CDC42SE2: variants seen among roughly 807,000 people sequenced by gnomAD.
The protein encoded by CDC42SE2 is CDC42 small effector 2.
CDC42SE2 carries 3 observed loss-of-function variants against 11.5 expected under a neutral mutation model. The observed-to-expected ratio is 0.26, with a 90% CI of 0.12 to 0.67. The LOEUF (loss-of-function observed/expected upper bound fraction) is 0.67, where lower values mean the gene tolerates loss of function less well. Ranked by LOEUF, CDC42SE2 falls within the 30% of genes least tolerant of loss-of-function variation. CDC42SE2 has a pLI of 0.80. For missense variants in CDC42SE2, 82 were observed against 106.8 expected (o/e 0.77, Z 1.02); for synonymous variants, 33 against 34.8 (o/e 0.95, Z 0.18).
At chr5:131,213,002 C>T in the CDC42SE2 span, among the ~76,000 whole-genome samples, 3 of 152,104 alleles carry the variant, frequency 2.0e-5, no homozygotes, top group Non-Finnish European at 4.4e-5. Context: ...ACCAGCCTGA[C>T]CAATATGGTG....
At chr5:131,298,299 G>A (rs1757613635) in intron 1 of CDC42SE2, among the ~76,000 whole-genome samples, 1 of 151,408 alleles carries the variant, frequency 6.6e-6, no homozygotes, top group Admixed American at 6.6e-5. Flanking sequence ...TAGAGATGGG[G>A]TTTCTCCATG....
At chr5:131,234,213 C>T in the CDC42SE2 span, among the ~76,000 whole-genome samples, 1 of 152,130 alleles carries the variant, frequency 6.6e-6, no homozygotes, top group Non-Finnish European at 1.5e-5. Context: ...TGATTAGAAA[C>T]ATTTGTTGTT....
the CDC42SE2 span, among the ~76,000 whole-genome samples, chr5:131,223,482 T>A: frequency 6.6e-6 from 1 of 152,196 alleles, no homozygotes; most frequent in Non-Finnish European, 1.5e-5. Flanking sequence ...AAAATGCGAT[T>A]TTCTACATAA....
intron 3 of CDC42SE2, among the ~76,000 whole-genome samples, chr5:131,376,060 G>A (rs1302374602): frequency 6.6e-6 from 1 of 151,974 alleles, no homozygotes; most frequent in Non-Finnish European, 1.5e-5. Flanking sequence ...CCAACATGGT[G>A]AAACCCATCT....
chr5:131,282,748 C>G (rs1447800651), intron 1 of CDC42SE2, among the ~76,000 whole-genome samples: 1 of 151,858 alleles, frequency 6.6e-6, no homozygotes, highest in Non-Finnish European at 1.5e-5. Context: ...CCTGCCTCAG[C>G]CTCCCGAGTA....
chr5:131,270,754 A>T (rs1025344507), intron 1 of CDC42SE2, among the ~76,000 whole-genome samples: 2 of 152,232 alleles, frequency 1.3e-5, no homozygotes, highest in Non-Finnish European at 2.9e-5. Flanking sequence ...TAAAAGGTAC[A>T]GTATAGTAGT....
At chr5:131,294,426 T>C (rs2149711613) in intron 1 of CDC42SE2, among the ~76,000 whole-genome samples, 1 of 152,324 alleles carries the variant, frequency 6.6e-6, no homozygotes, top group East Asian at 1.9e-4. Flanking sequence ...ATTGAATAAA[T>C]ACTGCGCACT....
At chr5:131,306,094 A>G (rs891719055) in intron 1 of CDC42SE2, among the ~76,000 whole-genome samples, 1 of 152,218 alleles carries the variant, frequency 6.6e-6, no homozygotes, top group Non-Finnish European at 1.5e-5. Flanking sequence ...AAATTCCACA[A>G]AATAAACAAT....
intron 3 of CDC42SE2, among the ~76,000 whole-genome samples, chr5:131,369,575 G>T (rs1749958880): frequency 6.6e-6 from 1 of 152,134 alleles, no homozygotes; most frequent in African/African-American, 2.4e-5. Flanking sequence ...TCTTCAACAC[G>T]TGGTATTTTC....
intron 2 of CDC42SE2, among the ~76,000 whole-genome samples, chr5:131,327,664 A>C: frequency 6.6e-6 from 1 of 152,216 alleles, no homozygotes. Context: ...AGGGTTTTTC[A>C]TAATTTATTT....
chr5:131,235,970 CTTA>C, the CDC42SE2 span, among the ~76,000 whole-genome samples: 1 of 152,202 alleles, frequency 6.6e-6, no homozygotes, highest in African/African-American at 2.4e-5. Flanking sequence ...AACCATCACA[CTTA>C]TTATGACTTA....
chr5:131,378,333 G>A (rs1750214973), intron 3 of CDC42SE2, among the ~76,000 whole-genome samples: 1 of 152,032 alleles, frequency 6.6e-6, no homozygotes, highest in African/African-American at 2.4e-5. Flanking sequence ...TACAACTTTT[G>A]TTAGCCTTTT....
the CDC42SE2 span, among the ~76,000 whole-genome samples, chr5:131,212,929 A>G: frequency 6.6e-6 from 1 of 152,180 alleles, no homozygotes; most frequent in South Asian, 2.1e-4. Context: ...GGTGGCTCAC[A>G]CCTATAATCC....
In CDC42SE2 at chr5:131,387,384, A is replaced by C. The variant is rs952121462; in HGVS notation, c.156+1740A>C. Among the ~76,000 whole-genome samples, 21 of 152,114 alleles carry C rather than the reference A, an allele frequency of 1.4e-4. 1 individual carries two copies. Among genetic ancestry groups the C allele is most frequent in the Non-Finnish European group, 7.3e-5 (5 of 68,032 alleles). On this transcript the variant is annotated intron_variant, in intron 4 of 4. Transcript: ENST00000505065. Reference sequence around the variant, plus strand: ...AGCAATGTAGTGAAACCCTGTCTCTACCAAAAATACAAAAAAATTAGCTGA... The same window carrying C: ...AGCAATGTAGTGAAACCCTGTCTCTCCCAAAAATACAAAAAAATTAGCTGA...
chr5:131,385,468 T>G, intron 3 of CDC42SE2, 75 bp from the exon 4 acceptor site: 1 of 1,015,106 alleles, frequency 9.9e-7, no homozygotes, highest in Non-Finnish European at 1.5e-6. Context: ...TATTAAACAG[T>G]CATAGTATAA....
At chr5:131,213,870 T>A in the CDC42SE2 span, among the ~76,000 whole-genome samples, 1 of 152,202 alleles carries the variant, frequency 6.6e-6, no homozygotes, top group African/African-American at 2.4e-5. Context: ...GATTTGGGCC[T>A]TTAGGGCTTT....
intron 2 of CDC42SE2, among the ~76,000 whole-genome samples, chr5:131,333,717 C>G (rs1351278853): frequency 1.3e-5 from 2 of 152,036 alleles, no homozygotes; most frequent in Non-Finnish European, 2.9e-5. Flanking sequence ...GTATTTTATT[C>G]TCTTTGAAGC....
At chr5:131,216,851 C>A in the CDC42SE2 span, among the ~76,000 whole-genome samples, 1 of 152,172 alleles carries the variant, frequency 6.6e-6, no homozygotes, top group Admixed American at 6.5e-5. Flanking sequence ...TCCAAACCAT[C>A]CTGAAGACTC....
chr5:131,385,737 C>A, intron 4 of CDC42SE2, 93 bp downstream of exon 4: 4 of 689,848 alleles, frequency 5.8e-6, no homozygotes, highest in South Asian at 1.8e-5. Flanking sequence ...TAGCATTATG[C>A]TAAATGAATT....
Sources: allele counts gnomAD v4.1 joint callset (sites outside exome capture counted in the v4.1 genomes callset), GRCh38; gene constraint gnomAD v4.1.1; transcripts MANE v1.5; gene names NCBI Gene and HGNC (gene_info 2026-07-23, HGNC 2026-07-21).